The following ODR4 variants were observed in gnomAD, a reference collection of about 807,000 sequenced individuals.
The protein encoded by ODR4 is protein odr-4 homolog.
A neutral mutation model predicts 60.2 loss-of-function variants in ODR4; 47 were observed. The ratio of observed to expected loss-of-function variants is 0.78; its 90% CI spans 0.62 to 1.00. The LOEUF is 1.00. Among genes scored for constraint, ODR4 ranks in the 50% least tolerant of loss-of-function variants. ODR4 has a pLI of 0.00. For missense variants in ODR4, 488 were observed against 530.8 expected (o/e 0.92, Z 0.79); for synonymous variants, 178 against 175.5 (o/e 1.01, Z -0.11).
intron 3 of ODR4, among the ~76,000 whole-genome samples, chr1:186,385,458 G>C (rs1278014726): frequency 6.6e-6 from 1 of 151,594 alleles, no homozygotes; most frequent in African/African-American, 2.4e-5. Context: ...GGAGTTCAGA[G>C]ATGAAAAGAT....
intron 11 of ODR4, chr1:186,400,953 T>G: frequency 1.5e-6 from 2 of 1,295,416 alleles, no homozygotes; most frequent in Non-Finnish European, 2.1e-6. Flanking sequence ...TGACTTTGAG[T>G]TTGTGGTAAC....
intron 11 of ODR4, among the ~76,000 whole-genome samples, chr1:186,405,683 C>T (rs1408802202): frequency 6.6e-6 from 1 of 152,152 alleles, no homozygotes; most frequent in East Asian, 1.9e-4. Flanking sequence ...TCCTGAGTAG[C>T]TGGGATTACA....
intron 12 of ODR4, among the ~76,000 whole-genome samples, chr1:186,408,323 A>G (rs1208740404): frequency 1.3e-5 from 2 of 151,972 alleles, no homozygotes; most frequent in Non-Finnish European, 1.5e-5. Context: ...TAGTATGATT[A>G]TTTTCCATGA....
In ODR4 at chr1:186,390,755, A is replaced by G. The variant is rs1660438120; in HGVS notation, c.519A>G (p.Ser173=). ...PADWKYQSGL[S]SSWLSLECTV... ...ATTGGAAGTATCAAAGTGGATTATC[A>G]TCCTCATGGCTTTCTTTAGAGTGTA... is the stretch of plus-strand genomic sequence containing the variant. The change falls in exon 7 of 14, where the codon TCA becomes TCG. Residue 173 remains serine (S), a synonymous_variant. Coordinates refer to ENST00000287859, the MANE Select transcript of ODR4 (RefSeq NM_017847.6). The G allele has an allele frequency of 6.2e-7, 1 of 1,613,498 alleles. No homozygotes were observed. Among genetic ancestry groups the G allele is most frequent in the Non-Finnish European group, 8.5e-7 (1 of 1,179,580 alleles).
In ODR4 at chr1:186,406,147, A is replaced by C; in HGVS notation, c.1065A>C (p.Val355=). The C allele has an allele frequency of 1.2e-6, 2 of 1,612,266 alleles. No individual in the cohort carries two copies. The highest frequency in any genetic ancestry group is 1.7e-6 in the Non-Finnish European group (2 of 1,179,132). ...RVFVPLPGST[V]MLCDYKFDDE... ...TTGTTCCCCTTCCTGGATCCACTGT[A>C]ATGTTGTGTGATTATAAATTTGACG... is the stretch of plus-strand genomic sequence containing the variant. The change falls in exon 12 of 14, where the codon GTA becomes GTC. Residue 355 remains valine (V), a synonymous_variant. Transcript: ENST00000287859.
At chr1:186,421,885 G>A (rs1011019967), downstream of ODR4, among the ~76,000 whole-genome samples, 12 of 137,362 alleles carry the variant, frequency 8.7e-5, no homozygotes, top group African/African-American at 2.6e-4. Context: ...AAAAAATGAT[G>A]AATCATTCCA....
intron 11 of ODR4, among the ~76,000 whole-genome samples, chr1:186,404,672 C>T (rs1263297751): frequency 6.6e-6 from 1 of 152,200 alleles, no homozygotes; most frequent in Admixed American, 6.5e-5. Flanking sequence ...TCTCCCAGTT[C>T]TCATGTGCAA....
At chr1:186,429,337 A>G in the ODR4 span, among the ~76,000 whole-genome samples, 1 of 152,216 alleles carries the variant, frequency 6.6e-6, no homozygotes, top group African/African-American at 2.4e-5. Flanking sequence ...TATGTGATAC[A>G]TAGACAGAAA....
At chr1:186,411,295 A>G (rs931181340) in intron 12 of ODR4, among the ~76,000 whole-genome samples, 6 of 152,086 alleles carry the variant, frequency 3.9e-5, no homozygotes, top group South Asian at 2.1e-4. Flanking sequence ...GGAATACTCA[A>G]CCTGTACTAC....
intron 1 of ODR4, 135 bp from the exon 2 acceptor site, chr1:186,379,632 A>G (rs754563306): frequency 1.2e-5 from 6 of 512,610 alleles, no homozygotes; most frequent in Admixed American, 7.5e-5. Context: ...GGAATACACT[A>G]TGTAATAAGT....
At chr1:186,430,041 A>T in the ODR4 span, among the ~76,000 whole-genome samples, 70 of 152,224 alleles carry the variant, frequency 4.6e-4, no homozygotes, top group Non-Finnish European at 7.9e-4. Flanking sequence ...TTTCAGTTTC[A>T]TTATTTCATT....
rs1661709490 is a variant in ODR4 at position 186,419,673 on chromosome 1, CTG to C, written c.*599_*600del. ...GCTGCAGCGAGCTATGATCACATCA[CTG>C]TACTCCAGCCTGGGTGACAAAATGA... On this transcript the variant is annotated 3_prime_UTR_variant, in exon 14 of 14. Transcript: ENST00000287859. 6.6e-6 allele frequency: 1 copy of C among 152,138 alleles called. No homozygotes were observed. Among genetic ancestry groups the C allele is most frequent in the African/African-American group, 2.4e-5 (1 of 41,400 alleles). The allele number at this position is 152,138 out of a possible 1,614,324, so 9.4% of individuals were successfully genotyped here.
At chr1:186,392,078 A>C (rs1424820050) in intron 8 of ODR4, among the ~76,000 whole-genome samples, 1 of 152,212 alleles carries the variant, frequency 6.6e-6, no homozygotes, top group African/African-American at 2.4e-5. Context: ...TGAAAACCAC[A>C]ATGAGATACC....
In ODR4 at chr1:186,386,402, C is replaced by T. The variant is rs117752428; in HGVS notation, c.330+319C>T. ...ACAAATTTGAAAAAGCTATTCTTTC[C>T]TCAAGTTAAAAAGTTAAATTATTTA... On this transcript the variant is annotated intron_variant, in intron 4 of 13. Coordinates refer to ENST00000287859, the MANE Select transcript of ODR4 (RefSeq NM_017847.6). 1.4e-4 allele frequency among the ~76,000 whole-genome samples: 22 copies of T among 152,150 alleles called. No individual in the cohort carries two copies. The East Asian group carries it at 4.1e-3, about 28-fold the overall frequency.
chr1:186,396,929 C>T (rs1255841413), intron 9 of ODR4, among the ~76,000 whole-genome samples: 1 of 152,130 alleles, frequency 6.6e-6, no homozygotes, highest in Non-Finnish European at 1.5e-5. Flanking sequence ...TGTTACTCCT[C>T]CTCCAACCCC....
intron 9 of ODR4, among the ~76,000 whole-genome samples, chr1:186,395,522 A>G (rs1262863300): frequency 6.6e-6 from 1 of 152,194 alleles, no homozygotes; most frequent in Admixed American, 6.5e-5. Context: ...CTTTTCTCCC[A>G]GTTAAGTCTT....
chr1:186,409,138 G>C (rs997159276), intron 12 of ODR4, among the ~76,000 whole-genome samples: 3 of 151,182 alleles, frequency 2.0e-5, no homozygotes, highest in African/African-American at 7.3e-5. Context: ...AGTTTCAATG[G>C]GCCGTGTTTA....
chr1:186,427,032 A>G, the ODR4 span, among the ~76,000 whole-genome samples: 1 of 152,216 alleles, frequency 6.6e-6, no homozygotes, highest in Non-Finnish European at 1.5e-5. Context: ...ACCTTCAGTC[A>G]TAATCTTCAT....
chr1:186,414,234 T>C (rs1289996845), intron 12 of ODR4, among the ~76,000 whole-genome samples: 2 of 152,188 alleles, frequency 1.3e-5, no homozygotes, highest in South Asian at 2.1e-4. Context: ...CTCATGATTT[T>C]GTATGACAGA....
Sources: allele counts gnomAD v4.1 joint callset (sites outside exome capture counted in the v4.1 genomes callset), GRCh38; gene constraint gnomAD v4.1.1; transcripts MANE v1.5; gene names NCBI Gene and HGNC (gene_info 2026-07-23, HGNC 2026-07-21).